CLN6: variants seen among roughly 807,000 people sequenced by gnomAD.
The protein encoded by CLN6 is CLN6 transmembrane ER protein.
CLN6 carries 22 observed loss-of-function variants against 33.3 expected under a neutral mutation model. The observed-to-expected ratio is 0.66, with a 90% CI of 0.47 to 0.94. The LOEUF (loss-of-function observed/expected upper bound fraction) is 0.94, where lower values mean the gene tolerates loss of function less well. CLN6 is among the 40% of genes least tolerant of loss of function. The probability of loss-of-function intolerance (pLI) is 0.00; values close to 1 mark genes in which losing one functional copy is unlikely to be tolerated. For synonymous variants in CLN6, 201 were observed against 174.6 expected, an observed-to-expected ratio of 1.15 and a Z score of -1.19; for missense variants, 387 against 417.1, an observed-to-expected ratio of 0.93 and a Z score of 0.63.
exon 1 of CLN6, chr15:68,257,018 G>A (rs1047155484): frequency 2.1e-5 from 11 of 531,910 alleles, no homozygotes; most frequent in African/African-American, 1.9e-4. Flanking sequence ...CGCGACTGAC[G>A]CAGAGGTCGC....
At chr15:68,222,456 G>A (rs1450497423) in intron 1 of CLN6, among the ~76,000 whole-genome samples, 2 of 150,514 alleles carry the variant, frequency 1.3e-5, no homozygotes, top group Admixed American at 1.3e-4. Context: ...GCCCCGTCTG[G>A]GAGGTGAGGA....
At chr15:68,248,604 G>C (rs1892348954) in intron 1 of CLN6, 1 of 148,016 alleles carries the variant, frequency 6.8e-6, no homozygotes, top group Admixed American at 6.8e-5. Flanking sequence ...AGTGAGCCGA[G>C]ATTGTGCCAC....
rs1008026890 is a variant in CLN6, at chr15:68,228,119, G to A, written c.83+1383C>T. On this transcript the variant is annotated intron_variant, in intron 1 of 6. Coordinates refer to ENST00000249806, the MANE Select transcript of CLN6 (RefSeq NM_017882.3). This position sits in a 1 kb window ranked among gnomAD's most constrained non-coding sequence, Gnocchi z 4.4. Reference sequence around the variant, plus strand: ...ATAATACTTAACTCACAGGCCGAGGGAGACAGGTGAGCTACAGTATGCGGT... The same window carrying A: ...ATAATACTTAACTCACAGGCCGAGGAAGACAGGTGAGCTACAGTATGCGGT... 6.6e-6 allele frequency among the ~76,000 whole-genome samples: 1 copy of A among 152,158 alleles called. No individual in the cohort carries two copies. The highest frequency in any genetic ancestry group is 1.5e-5 in the Non-Finnish European group (1 of 68,022).
rs753873713 is a variant in CLN6 at position 68,228,021 on chromosome 15, G to A, written c.83+1481C>T. On this transcript the variant is annotated intron_variant, in intron 1 of 6. Transcript: ENST00000249806. The surrounding 1 kb of genome is among the most constrained non-coding windows in gnomAD (Gnocchi z 4.4). ...CAGAGATGAAACCACTGGACACGGC[G>A]TGGGGCAGACAGCCCGGGGACTCAG... Among the ~76,000 whole-genome samples the A allele has an allele frequency of 3.3e-5, 5 of 152,326 alleles. No individual in the cohort carries two copies. The highest frequency in any genetic ancestry group is 2.1e-4 in the South Asian group (1 of 4,832).
rs753011260 is a variant in CLN6 at position 68,214,339 on chromosome 15, T to C, written c.248A>G (p.Asp83Gly). 4 of 1,614,070 alleles carry C rather than the reference T, an allele frequency of 2.5e-6. No homozygotes were observed. In the South Asian group the frequency reaches 4.4e-5, roughly 18 times the overall value. The change falls in exon 3 of 7, where the codon GAC becomes GGC. Residue 83 changes from aspartate to glycine, a missense_variant. Coordinates refer to ENST00000249806, the MANE Select transcript of CLN6 (RefSeq NM_017882.3). ...GACGTTGTAGGCCATGTGGAAGTAG[T>C]CCCCAACACTGGGCTTGTTGAGTGG... is the stretch of plus-strand genomic sequence containing the variant. ...WFPLNKPSVG[D>G]YFHMAYNVIT...
At chr15:68,233,446 C>A (rs1892186338), upstream of CLN6, among the ~76,000 whole-genome samples, 1 of 152,200 alleles carries the variant, frequency 6.6e-6, no homozygotes. The surrounding 1 kb of genome is among the most constrained non-coding windows in gnomAD (Gnocchi z 4.3). Context: ...TTTCATCATT[C>A]TGCAGCTGCG....
intron 2 of CLN6, among the ~76,000 whole-genome samples, chr15:68,216,968 TTA>T (rs1203915841): frequency 6.6e-6 from 1 of 152,240 alleles, no homozygotes; most frequent in Non-Finnish European, 1.5e-5. Context: ...AGCCAGTTAC[TTA>T]TTCTCTCTCT....
At chr15:68,255,059 A>G in intron 1 of CLN6, 4 of 603,790 alleles carry the variant, frequency 6.6e-6, no homozygotes, top group Non-Finnish European at 1.2e-5. Context: ...TTTTTGGGAA[A>G]GGGGCATATG....
intron 1 of CLN6, among the ~76,000 whole-genome samples, chr15:68,221,586 C>T (rs978979597): frequency 1.3e-5 from 2 of 152,162 alleles, no homozygotes; most frequent in Admixed American, 6.5e-5. Flanking sequence ...GCTACAACCT[C>T]CACCTCCCAG....
In CLN6 at chr15:68,256,037, C is replaced by T. The variant is rs536610905; in HGVS notation, c.179+653G>A. ...CTCCTCGCCCGAAGTGATCCTCCTT[C>T]TTCGACCTCCCAAAGTGCTAGAATT... On this transcript the variant is annotated intron_variant, in intron 1 of 6. Coordinates refer to the CLN6 transcript ENST00000538696. This position sits in a 1 kb window ranked among gnomAD's most constrained non-coding sequence, Gnocchi z 4.1. Among the ~76,000 whole-genome samples, 143 of 152,190 alleles carry T rather than the reference C, an allele frequency of 9.4e-4. No individual in the cohort carries two copies. The highest frequency in any genetic ancestry group is 3.4e-3 in the Middle Eastern group (1 of 294).
chr15:68,211,899 C>CGTGG lies in CLN6; in HGVS notation c.298-37_298-36insCCAC. The CGTGG allele has an allele frequency of 6.2e-7, 1 of 1,605,834 alleles. No individual in the cohort carries two copies. On this transcript the variant is annotated intron_variant, in intron 3 of 6. Coordinates refer to ENST00000249806, the MANE Select transcript of CLN6 (RefSeq NM_017882.3). The surrounding 1 kb of genome is among the most constrained non-coding windows in gnomAD (Gnocchi z 5.9). ...GAGTGGGGTTGGCAGCATGACCCCA[C>CGTGG]CTCTGTCACAGTATGTGACACCCTC...
At chr15:68,232,820 C>T (rs1471262829), upstream of CLN6, among the ~76,000 whole-genome samples, 3 of 152,214 alleles carry the variant, frequency 2.0e-5, no homozygotes, top group East Asian at 5.8e-4. The surrounding 1 kb of genome is among the most constrained non-coding windows in gnomAD (Gnocchi z 4.7). Context: ...GGTGGGTGGA[C>T]CACGTGAGGT....
intron 1 of CLN6, among the ~76,000 whole-genome samples, chr15:68,222,305 T>C (rs1281553481): frequency 7.4e-6 from 1 of 135,056 alleles, no homozygotes; most frequent in East Asian, 2.4e-4. Flanking sequence ...GTCTAGGAAG[T>C]GAGGAGCGCC....
At position 68,242,986 on chromosome 15, in the gene CLN6, T is replaced by C. The variant is rs1431640231; in HGVS notation, c.179+13704A>G. On this transcript the variant is annotated intron_variant, in intron 1 of 6. Transcript: ENST00000538696. This position sits in a 1 kb window ranked among gnomAD's most constrained non-coding sequence, Gnocchi z 5.0. ...AAATAAAAGTTGCTAAGCGTTAACA[T>C]TGTAATATGTAGTTGAGACGACTGC... Among the ~76,000 whole-genome samples, 3 of 152,330 alleles carry C rather than the reference T, an allele frequency of 2.0e-5. No individual in the cohort carries two copies. Among genetic ancestry groups the C allele is most frequent in the Middle Eastern group, 3.4e-3 (1 of 294 alleles).
chr15:68,215,114 C>T (rs936605545), intron 2 of CLN6: 1 of 152,412 alleles, frequency 6.6e-6, no homozygotes, highest in Non-Finnish European at 1.5e-5. Flanking sequence ...TCACAACCCC[C>T]AAACTGTACT....
chr15:68,215,790 T>TA (rs2093218959), intron 2 of CLN6, among the ~76,000 whole-genome samples: 1 of 152,116 alleles, frequency 6.6e-6, no homozygotes, highest in African/African-American at 2.4e-5. Flanking sequence ...GGTTGCAAAA[T>TA]AAAGTATAAA....
upstream of CLN6, among the ~76,000 whole-genome samples, chr15:68,233,814 A>G (rs747268157): frequency 3.9e-5 from 6 of 152,202 alleles, no homozygotes; most frequent in Non-Finnish European, 8.8e-5. This position sits in a 1 kb window ranked among gnomAD's most constrained non-coding sequence, Gnocchi z 4.3. Flanking sequence ...CACAGTGAGA[A>G]GGCTGCACAA....
At chr15:68,250,405 G>A (rs1428218821) in intron 1 of CLN6, among the ~76,000 whole-genome samples, 2 of 151,686 alleles carry the variant, frequency 1.3e-5, no homozygotes, top group East Asian at 1.9e-4. Flanking sequence ...GGCGGATCAA[G>A]AGGTCAAGAG....
rs750937323 is a variant in CLN6, at chr15:68,208,178, A to G, written c.898T>C (p.Trp300Arg). 2.2e-5 allele frequency: 31 copies of G among 1,432,898 alleles called. No individual in the cohort carries two copies. The highest frequency in any genetic ancestry group is 2.7e-5 in the Non-Finnish European group (29 of 1,067,084). 88.8% of individuals were successfully genotyped at this position (1,432,898 alleles called of 1,614,324 possible). A position where few individuals can be genotyped will look rare whatever the true frequency, so the allele number is the denominator to read the frequency against. The change falls in exon 7 of 7, where the codon TGG (tryptophan) becomes CGG (arginine). Residue 300 changes from tryptophan (W) to arginine (R), a missense_variant. Trp to Arg is a moderately radical substitution (Grantham distance 101). Transcript: ENST00000249806. The surrounding 1 kb of genome is among the most constrained non-coding windows in gnomAD (Gnocchi z 5.8). ...CTGACGTGAAGGGTGTAGAAAGCCC[A>G]GGGCTCAGGGACGTAGATGACACCC... ...YPGVIYVPEP[W>R]AFYTLHVSSR... is the part of the protein sequence containing the mutation.
Sources: gnomAD v4.1 joint callset for allele counts (sites outside exome capture counted in the v4.1 genomes callset) on GRCh38, gnomAD v4.1.1 for gene constraint, Gnocchi (gnomAD v3.1) non-coding constraint, MANE v1.5 for transcripts, NCBI Gene and HGNC (gene_info 2026-07-23, HGNC 2026-07-21) for gene names.